The following SPATA6 variants were observed in gnomAD, a reference collection of about 807,000 sequenced individuals.
SPATA6 encodes the protein spermatogenesis-associated protein 6.
Under a neutral mutation model 65.3 loss-of-function variants are expected in SPATA6, and 56 were observed. The observed-to-expected ratio is 0.86, with a 90% CI of 0.69 to 1.07. The LOEUF is 1.07. Ranked by LOEUF, SPATA6 falls within the 50% of genes least tolerant of loss-of-function variation. SPATA6 has a pLI of 0.00. For missense variants in SPATA6, 590 were observed against 594.8 expected (o/e 0.99, Z 0.08); for synonymous variants, 199 against 213.2 (o/e 0.93, Z 0.58).
At chr1:48,278,620 G>A in the SPATA6 span, among the ~76,000 whole-genome samples, 3 of 152,282 alleles carry the variant, frequency 2.0e-5, no homozygotes, top group Non-Finnish European at 4.4e-5. Context: ...AGCGAGAAGG[G>A]AAGTTTAGAG....
At chr1:48,458,479 G>T (rs1657171355) in intron 1 of SPATA6, among the ~76,000 whole-genome samples, 1 of 152,092 alleles carries the variant, frequency 6.6e-6, no homozygotes. Flanking sequence ...ACTGTCAGTG[G>T]GCAGAGTATC....
chr1:48,307,820 C>T (rs1227457527), intron 11 of SPATA6, among the ~76,000 whole-genome samples: 2 of 151,718 alleles, frequency 1.3e-5, no homozygotes, highest in African/African-American at 4.8e-5. Context: ...TGGTTTGGCC[C>T]TGTTGCCGTT....
At position 48,447,149 on chromosome 1, in the gene SPATA6, T is replaced by TA. The variant is rs1656132555; in HGVS notation, c.238+4402dup. Among the ~76,000 whole-genome samples, 5 of 152,230 alleles carry TA rather than the reference T, an allele frequency of 3.3e-5. No individual in the cohort carries two copies. In the South Asian group the frequency reaches 8.3e-4, roughly 25 times the overall value. On this transcript the variant is annotated intron_variant, in intron 3 of 12. Coordinates refer to ENST00000371847, the MANE Select transcript of SPATA6 (RefSeq NM_019073.4). ...GTATATAATATAACAAAAAATATGT[T>TA]AATTGACTGCTTATGTTATTGGTAA...
chr1:48,293,825 C>G (rs1314018311), downstream of SPATA6, among the ~76,000 whole-genome samples: 1 of 152,136 alleles, frequency 6.6e-6, no homozygotes, highest in Non-Finnish European at 1.5e-5. Context: ...CCCCCATATA[C>G]ACACACAAAC....
chr1:48,462,131 G>A (rs1470773040), intron 1 of SPATA6, among the ~76,000 whole-genome samples: 1 of 151,972 alleles, frequency 6.6e-6, no homozygotes, highest in Admixed American at 6.6e-5. Flanking sequence ...ACTCATAGAT[G>A]GGAATTGAAC....
At chr1:48,381,609 T>C (rs1019122694) in intron 9 of SPATA6, among the ~76,000 whole-genome samples, 3 of 149,242 alleles carry the variant, frequency 2.0e-5, no homozygotes, top group Non-Finnish European at 4.4e-5. Context: ...TTTAAGTAAG[T>C]ACATAAACAA....
intron 9 of SPATA6, among the ~76,000 whole-genome samples, chr1:48,366,405 C>T (rs183129328): frequency 3.2e-4 from 48 of 152,212 alleles, no homozygotes; most frequent in African/African-American, 9.6e-4. Flanking sequence ...TGGTAGAATT[C>T]GGCTGTGAAT....
intron 3 of SPATA6, among the ~76,000 whole-genome samples, chr1:48,446,194 G>A (rs1397687316): frequency 6.6e-6 from 1 of 152,196 alleles, no homozygotes; most frequent in Non-Finnish European, 1.5e-5. Flanking sequence ...CTTCCCCAGT[G>A]TTGAGATCAG....
intron 3 of SPATA6, among the ~76,000 whole-genome samples, chr1:48,430,522 C>T (rs564270039): frequency 2.6e-5 from 4 of 152,122 alleles, no homozygotes; most frequent in African/African-American, 9.6e-5. Context: ...GACAGTAACA[C>T]AAAGTCATAC....
At chr1:48,443,509 A>G (rs928213048) in intron 3 of SPATA6, among the ~76,000 whole-genome samples, 2 of 152,196 alleles carry the variant, frequency 1.3e-5, no homozygotes, top group African/African-American at 4.8e-5. Flanking sequence ...AAGAAATAAC[A>G]AAATCTATCC....
chr1:48,456,825 C>T (rs1657041592), intron 1 of SPATA6, among the ~76,000 whole-genome samples: 1 of 152,056 alleles, frequency 6.6e-6, no homozygotes. Context: ...TTAAAATTAT[C>T]CAGTCTGATT....
intron 4 of SPATA6, among the ~76,000 whole-genome samples, chr1:48,412,810 G>C (rs1652375925): frequency 6.6e-6 from 1 of 151,842 alleles, no homozygotes; most frequent in Non-Finnish European, 1.5e-5. Flanking sequence ...GTAGAGACGG[G>C]GTTTCACCAT....
At chr1:48,314,590 G>A (rs1285325421) in intron 11 of SPATA6, among the ~76,000 whole-genome samples, 2 of 152,134 alleles carry the variant, frequency 1.3e-5, no homozygotes, top group Non-Finnish European at 2.9e-5. Flanking sequence ...GAGAAAGCAG[G>A]AAAGATCTAA....
At chr1:48,334,080 G>A (rs1245865940) in intron 11 of SPATA6, among the ~76,000 whole-genome samples, 2 of 152,020 alleles carry the variant, frequency 1.3e-5, no homozygotes, top group African/African-American at 2.4e-5. Context: ...ACTAAACATG[G>A]AAGAAATTGA....
intron 11 of SPATA6, among the ~76,000 whole-genome samples, chr1:48,337,425 T>C (rs1351543796): frequency 6.6e-6 from 1 of 151,828 alleles, no homozygotes; most frequent in African/African-American, 2.4e-5. Flanking sequence ...ATATTTAATT[T>C]CAAATTATAA....
At chr1:48,279,192 G>C in the SPATA6 span, among the ~76,000 whole-genome samples, 2 of 152,138 alleles carry the variant, frequency 1.3e-5, no homozygotes, top group African/African-American at 4.8e-5. Context: ...CATTAAACAT[G>C]GAAAGGAACA....
rs1053107611 is a variant in SPATA6 at position 48,296,337 on chromosome 1, A to T, written c.*2376T>A. The T allele has an allele frequency of 1.3e-5, 2 of 152,192 alleles. No individual in the cohort carries two copies. The highest frequency in any genetic ancestry group is 2.9e-5 in the Non-Finnish European group (2 of 68,020). The allele number at this position is 152,192 out of a possible 1,614,324, so 9.4% of individuals were successfully genotyped here. Reference sequence around the variant, plus strand: ...CCTAGGGGATAGAAGATAATCAGACACTTAGCAAAGATGCTATTAGTATCT... The same window carrying T: ...CCTAGGGGATAGAAGATAATCAGACTCTTAGCAAAGATGCTATTAGTATCT... On this transcript the variant is annotated 3_prime_UTR_variant, in exon 13 of 13. Transcript: ENST00000371847.
At chr1:48,400,931 GA>G in intron 6 of SPATA6, 1 of 670,272 alleles carries the variant, frequency 1.5e-6, no homozygotes, top group Non-Finnish European at 2.0e-6. Context: ...CAGAAGCAAA[GA>G]ATGTCAGCAC....
At chr1:48,277,977 C>T in the SPATA6 span, among the ~76,000 whole-genome samples, 1 of 152,138 alleles carries the variant, frequency 6.6e-6, no homozygotes, top group African/African-American at 2.4e-5. Context: ...ACTCCTCTGA[C>T]ACAAAACTTC....
Sources: allele counts gnomAD v4.1 joint callset (sites outside exome capture counted in the v4.1 genomes callset), GRCh38; gene constraint gnomAD v4.1.1; transcripts MANE v1.5; gene names NCBI Gene and HGNC (gene_info 2026-07-23, HGNC 2026-07-21).